Variants in CSMD1 observed in about 807,000 individuals in gnomAD.
The protein encoded by CSMD1 is CUB and sushi domain-containing protein 1.
A neutral mutation model predicts 417.5 loss-of-function variants in CSMD1; 213 were observed. The ratio of observed to expected loss-of-function variants is 0.51; its 90% CI spans 0.46 to 0.57. The LOEUF is 0.57. CSMD1 is among the 20% of genes least tolerant of loss of function. The probability of loss-of-function intolerance (pLI) is 0.00; values close to 1 mark genes in which losing one functional copy is unlikely to be tolerated. For synonymous variants in CSMD1, 2,862 were observed against 1,736.8 expected (o/e 1.65, Z -16.11); for missense variants, 6,923 against 4,529.7 (o/e 1.53, Z -15.17).
At chr8:3,248,833 C>G (rs947342177) in intron 26 of CSMD1, among the ~76,000 whole-genome samples, 9 of 152,072 alleles carry the variant, frequency 5.9e-5, no homozygotes, top group African/African-American at 2.2e-4. Context: ...TCTACTTACT[C>G]TGTTAATCTT....
chr8:3,203,224 G>A (rs1797082611), intron 31 of CSMD1, among the ~76,000 whole-genome samples: 1 of 152,184 alleles, frequency 6.6e-6, no homozygotes, highest in Non-Finnish European at 1.5e-5. Context: ...CATGGATTTT[G>A]AGTACAAGAT....
intron 40 of CSMD1, among the ~76,000 whole-genome samples, chr8:3,149,800 G>C (rs942424204): frequency 2.6e-5 from 4 of 152,140 alleles, no homozygotes; most frequent in African/African-American, 9.7e-5. Context: ...GGTATAGAAA[G>C]GAGGAAACTG....
intron 3 of CSMD1, among the ~76,000 whole-genome samples, chr8:4,368,099 G>T (rs1595466): frequency 2.6e-5 from 4 of 151,858 alleles, no homozygotes; most frequent in African/African-American, 9.7e-5. Context: ...GTTCTCAAGG[G>T]GAGTGCTTCT....
chr8:4,955,972 T>C (rs1466111810), intron 1 of CSMD1, among the ~76,000 whole-genome samples: 1 of 152,174 alleles, frequency 6.6e-6, no homozygotes, highest in Non-Finnish European at 1.5e-5. Flanking sequence ...TGTGCTGCGT[T>C]CTGTGATTTT....
rs183292155 is a variant in CSMD1 at position 4,717,848 on chromosome 8, G to A, written c.86-80290C>T. 6.4e-3 allele frequency among the ~76,000 whole-genome samples: 974 copies of A among 152,194 alleles called. 12 individuals carry two copies. The highest frequency in any genetic ancestry group is 0.022 in the African/African-American group (933 of 41,530). Reference sequence around the variant, plus strand: ...CACCCCAGGAATCTCTTCACATTAAGTCCAAGAATATTTAATAGCTTTTTA... The same window carrying A: ...CACCCCAGGAATCTCTTCACATTAAATCCAAGAATATTTAATAGCTTTTTA... On this transcript the variant is annotated intron_variant, in intron 1 of 69. Coordinates refer to ENST00000635120, the MANE Select transcript of CSMD1 (RefSeq NM_033225.6).
chr8:4,267,918 T>C (rs1439703204), intron 3 of CSMD1, among the ~76,000 whole-genome samples: 2 of 152,134 alleles, frequency 1.3e-5, no homozygotes, highest in African/African-American at 4.8e-5. Context: ...AAAATAGGAC[T>C]CACTTATTCA....
chr8:3,191,601 T>C (rs576375574), intron 33 of CSMD1, among the ~76,000 whole-genome samples: 186 of 152,250 alleles, frequency 1.2e-3, no homozygotes, highest in South Asian at 2.3e-3. Flanking sequence ...TCATGGGCTT[T>C]GGATAGTGGG....
intron 26 of CSMD1, among the ~76,000 whole-genome samples, chr8:3,270,200 C>A (rs538238034): frequency 2.2e-4 from 33 of 152,154 alleles, no homozygotes; most frequent in African/African-American, 7.7e-4. Flanking sequence ...CAGGCACATG[C>A]CACCATGCCT....
rs1481518808 is a variant in CSMD1, at chr8:4,578,575, G to C, written c.302+58767C>G. Among the ~76,000 whole-genome samples the C allele has an allele frequency of 2.0e-5, 3 of 151,264 alleles. No individual in the cohort carries two copies. In the East Asian group the frequency reaches 5.9e-4, roughly 30 times the overall value. ...TTCATGCCTGTAATCTCGGCATTTT[G>C]GGAGGCCAAGGTGGGCGGTTCACGA... On this transcript the variant is annotated intron_variant, in intron 2 of 69. Coordinates refer to ENST00000635120, the MANE Select transcript of CSMD1 (RefSeq NM_033225.6).
intron 3 of CSMD1, among the ~76,000 whole-genome samples, chr8:4,313,565 G>A (rs560393295): frequency 6.6e-6 from 1 of 151,376 alleles, no homozygotes; most frequent in Non-Finnish European, 1.5e-5. Context: ...TGTTATGGGA[G>A]GGAAAGAAGA....
rs138577177 is a variant in CSMD1 at position 3,967,181 on chromosome 8, T to C, written c.818+30722A>G. On this transcript the variant is annotated intron_variant, in intron 5 of 69. Coordinates refer to ENST00000635120, the MANE Select transcript of CSMD1 (RefSeq NM_033225.6). ...AAATGTTTATGTATTCCTTTTCACT[T>C]TCTAACTTGATTCTCTCTACTGCTT... Among the ~76,000 whole-genome samples the C allele has an allele frequency of 3.2e-3, 486 of 152,346 alleles. 4 individuals carry two copies. The highest frequency in any genetic ancestry group is 0.011 in the African/African-American group (469 of 41,580).
chr8:4,202,592 T>A (rs1034354278), intron 3 of CSMD1, among the ~76,000 whole-genome samples: 1 of 152,216 alleles, frequency 6.6e-6, no homozygotes, highest in Non-Finnish European at 1.5e-5. Flanking sequence ...AAAAGGTTAC[T>A]TTCCTGCAAT....
At chr8:3,075,535 C>T (rs1162025270) in intron 49 of CSMD1, among the ~76,000 whole-genome samples, 1 of 151,874 alleles carries the variant, frequency 6.6e-6, no homozygotes, top group Non-Finnish European at 1.5e-5. Flanking sequence ...TCCACCTAGG[C>T]CTCCCAAAGT....
At chr8:3,342,800 T>G (rs567825812) in intron 23 of CSMD1, among the ~76,000 whole-genome samples, 54 of 152,134 alleles carry the variant, frequency 3.5e-4, no homozygotes, top group Non-Finnish European at 6.9e-4. Flanking sequence ...GTCTCAAAAA[T>G]TAATGGTGAA....
chr8:3,483,777 T>C (rs1817872944), intron 11 of CSMD1, among the ~76,000 whole-genome samples: 1 of 152,136 alleles, frequency 6.6e-6, no homozygotes, highest in Non-Finnish European at 1.5e-5. Flanking sequence ...AATGTACAAA[T>C]CAATTATACT....
At chr8:4,688,620 G>C (rs1026974547) in intron 1 of CSMD1, among the ~76,000 whole-genome samples, 20 of 152,152 alleles carry the variant, frequency 1.3e-4, no homozygotes, top group African/African-American at 4.3e-4. Flanking sequence ...TGAATGTCAT[G>C]TTGACTTCAG....
chr8:3,273,134 A>C (rs1801997174), intron 26 of CSMD1, among the ~76,000 whole-genome samples: 1 of 151,706 alleles, frequency 6.6e-6, no homozygotes, highest in Non-Finnish European at 1.5e-5. Flanking sequence ...GAGAGTTTTT[A>C]GTATGAAAGG....
chr8:3,030,397 A>C (rs960866126), intron 50 of CSMD1, among the ~76,000 whole-genome samples: 2 of 152,036 alleles, frequency 1.3e-5, no homozygotes, highest in Non-Finnish European at 2.9e-5. Context: ...CAAATTGATT[A>C]ATTTATTGAG....
chr8:3,640,846 C>A (rs1214305051), intron 7 of CSMD1, among the ~76,000 whole-genome samples: 1 of 151,926 alleles, frequency 6.6e-6, no homozygotes, highest in Non-Finnish European at 1.5e-5. Flanking sequence ...TGGAATCTTA[C>A]CTCACTACTT....
Sources: gnomAD v4.1 joint callset for allele counts (sites outside exome capture counted in the v4.1 genomes callset) on GRCh38, gnomAD v4.1.1 for gene constraint, MANE v1.5 for transcripts, NCBI Gene and HGNC (gene_info 2026-07-23, HGNC 2026-07-21) for gene names.